SNX29: variants seen among roughly 807,000 people sequenced by gnomAD.
SNX29 encodes sorting nexin-29.
In SNX29, 78 loss-of-function variants were observed where a neutral mutation model predicts 102.1. The observed-to-expected ratio is 0.76, with a 90% CI of 0.64 to 0.92. SNX29 has a LOEUF of 0.92. Among genes scored for constraint, SNX29 ranks in the 40% least tolerant of loss-of-function variants. SNX29 has a pLI of 0.00. For missense variants in SNX29, 1,280 were observed against 1,061.7 expected, an observed-to-expected ratio of 1.21 and a Z score of -2.86; for synonymous variants, 580 against 414.5, an observed-to-expected ratio of 1.40 and a Z score of -4.85.
intron 17 of SNX29, among the ~76,000 whole-genome samples, chr16:12,399,837 G>T (rs768303709): frequency 6.6e-6 from 1 of 152,106 alleles, no homozygotes; most frequent in Non-Finnish European, 1.5e-5. Context: ...TTGTGGGCAG[G>T]GGGAGCATGG....
At chr16:12,344,330 T>A (rs1370034994) in intron 15 of SNX29, among the ~76,000 whole-genome samples, 1 of 152,208 alleles carries the variant, frequency 6.6e-6, no homozygotes, top group East Asian at 1.9e-4. Context: ...GAAAGGACTC[T>A]GGTTCCAATC....
chr16:12,390,755 G>A (rs949971090), intron 16 of SNX29, among the ~76,000 whole-genome samples: 1 of 152,006 alleles, frequency 6.6e-6, no homozygotes, highest in African/African-American at 2.4e-5. Flanking sequence ...AACCCCACCA[G>A]GGCAGCTTCT....
intron 20 of SNX29, among the ~76,000 whole-genome samples, chr16:12,544,815 C>A (rs1210284887): frequency 1.3e-5 from 2 of 152,206 alleles, no homozygotes; most frequent in African/African-American, 4.8e-5. Context: ...AACTCTTGAC[C>A]ACTGCTTCAG....
intron 15 of SNX29, among the ~76,000 whole-genome samples, chr16:12,313,924 G>C (rs774208259): frequency 6.6e-6 from 1 of 152,268 alleles, no homozygotes; most frequent in African/African-American, 2.4e-5. Flanking sequence ...CTGTTAAGTG[G>C]AGGGCCTAGG....
chr16:12,168,813 C>G lies in SNX29; in HGVS notation c.1596-30788C>G, dbSNP rs1218012354. 2.0e-5 allele frequency among the ~76,000 whole-genome samples: 3 copies of G among 152,210 alleles called. No individual in the cohort carries two copies. In the East Asian group the frequency reaches 5.8e-4, roughly 29 times the overall value. On this transcript the variant is annotated intron_variant, in intron 13 of 20. Transcript: ENST00000566228. ...TGGTAGATTTGCCCTCTAGAGAGCT[C>G]CTTCAGGAGAAAAGCTCTTAGAAGA...
At chr16:12,150,529 A>G (rs1172867610) in intron 13 of SNX29, among the ~76,000 whole-genome samples, 1 of 152,214 alleles carries the variant, frequency 6.6e-6, no homozygotes, top group South Asian at 2.1e-4. Flanking sequence ...AACCTGAGTC[A>G]TTGAGGAGCA....
chr16:12,327,482 C>T (rs2081154446), intron 15 of SNX29, among the ~76,000 whole-genome samples: 1 of 152,060 alleles, frequency 6.6e-6, no homozygotes, highest in Non-Finnish European at 1.5e-5. Flanking sequence ...GCCGTCTTCC[C>T]ACTGTGGTCT....
At chr16:12,416,718 A>T (rs1003457313) in intron 18 of SNX29, among the ~76,000 whole-genome samples, 3 of 152,158 alleles carry the variant, frequency 2.0e-5, no homozygotes, top group Admixed American at 2.0e-4. Flanking sequence ...CAGGCATGTC[A>T]CATGGCAAGA....
intron 20 of SNX29, among the ~76,000 whole-genome samples, chr16:12,554,965 T>TGGGGGCCG (rs1317009791): frequency 6.0e-5 from 9 of 148,952 alleles, no homozygotes; most frequent in African/African-American, 2.1e-4. Context: ...ATGGAGGTGG[T>TGGGGGCCG]GAGGGGGGTC....
At chr16:12,061,710 T>TTCTC in intron 9 of SNX29, 64 bp downstream of exon 9, 1 of 1,420,736 alleles carries the variant, frequency 7.0e-7, no homozygotes, top group South Asian at 1.2e-5. Context: ...CCAGCAGGAA[T>TTCTC]GTCTGAGTTC....
intron 4 of SNX29, among the ~76,000 whole-genome samples, chr16:12,030,218 A>G (rs538152661): frequency 2.6e-5 from 4 of 152,236 alleles, no homozygotes; most frequent in South Asian, 2.1e-4. Context: ...TCTTGTTTCT[A>G]TGCATACTGT....
chr16:12,558,733 C>T (rs2078531976), intron 20 of SNX29, among the ~76,000 whole-genome samples: 1 of 152,226 alleles, frequency 6.6e-6, no homozygotes, highest in South Asian at 2.1e-4. Flanking sequence ...ACAAGCCTCA[C>T]CACTAGGCTG....
intron 14 of SNX29, among the ~76,000 whole-genome samples, chr16:12,272,191 G>A (rs1293154826): frequency 1.3e-5 from 2 of 152,168 alleles, no homozygotes; most frequent in East Asian, 3.9e-4. Flanking sequence ...AGTGTTGAAG[G>A]TTGCTGATTC....
intron 15 of SNX29, among the ~76,000 whole-genome samples, chr16:12,302,540 T>C (rs757577316): frequency 2.6e-5 from 4 of 152,166 alleles, no homozygotes; most frequent in Non-Finnish European, 5.9e-5. Flanking sequence ...TCTTGCCATG[T>C]TCTCACATCG....
intron 1 of SNX29, among the ~76,000 whole-genome samples, chr16:11,989,704 G>A (rs190530010): frequency 2.0e-5 from 3 of 152,132 alleles, no homozygotes; most frequent in East Asian, 3.9e-4. Context: ...GAGAGAGTTC[G>A]TGAGGCTTCT....
At chr16:12,149,718 T>C (rs1396706895) in intron 13 of SNX29, among the ~76,000 whole-genome samples, 1 of 152,132 alleles carries the variant, frequency 6.6e-6, no homozygotes, top group Non-Finnish European at 1.5e-5. Context: ...TGGTGAGGAT[T>C]GAATTACATA....
chr16:12,066,729 C>A (rs74762005), intron 9 of SNX29, among the ~76,000 whole-genome samples: 2,090 of 148,810 alleles, frequency 0.014, 56 homozygotes, highest in African/African-American at 0.049. Context: ...GAGGGGAGCG[C>A]CAAGTAGGAG....
At chr16:12,063,217 G>A (rs1041948711) in intron 9 of SNX29, among the ~76,000 whole-genome samples, 1 of 152,092 alleles carries the variant, frequency 6.6e-6, no homozygotes, top group Non-Finnish European at 1.5e-5. Context: ...CCTGGTGAGA[G>A]CTTCAGGGAC....
intron 15 of SNX29, among the ~76,000 whole-genome samples, chr16:12,320,436 A>T (rs1567434633): frequency 6.6e-6 from 1 of 152,096 alleles, no homozygotes; most frequent in Non-Finnish European, 1.5e-5. Context: ...AATGAATGTG[A>T]AGACAGGAAG....
Sources: gnomAD v4.1 joint callset for allele counts (sites outside exome capture counted in the v4.1 genomes callset) on GRCh38, gnomAD v4.1.1 for gene constraint, MANE v1.5 for transcripts, NCBI Gene and HGNC (gene_info 2026-07-23, HGNC 2026-07-21) for gene names.